SORCS2: variants seen among roughly 807,000 people sequenced by gnomAD.
The protein encoded by SORCS2 is sortilin related VPS10 domain containing receptor 2, also known as VPS10 domain-containing receptor SorCS2.
A neutral mutation model predicts 141.6 loss-of-function variants in SORCS2; 100 were observed. The observed-to-expected ratio is 0.71, with a 90% CI of 0.60 to 0.83. The LOEUF (loss-of-function observed/expected upper bound fraction) is 0.83, where lower values mean the gene tolerates loss of function less well. Among genes scored for constraint, SORCS2 ranks in the 40% least tolerant of loss-of-function variants. The pLI, the probability that SORCS2 is intolerant of heterozygous loss-of-function variation, is 0.00. For missense variants in SORCS2, 1,646 were observed against 1,560.2 expected (o/e 1.05, Z -0.93); for synonymous variants, 789 against 676.9 (o/e 1.17, Z -2.57).
chr4:7,579,692 C>G (rs1241654384), intron 3 of SORCS2, among the ~76,000 whole-genome samples: 1 of 152,160 alleles, frequency 6.6e-6, no homozygotes, highest in Non-Finnish European at 1.5e-5. Flanking sequence ...GCTTGTTCTG[C>G]TCTGGGCCTT....
At chr4:7,544,501 A>G (rs1258252235) in intron 3 of SORCS2, among the ~76,000 whole-genome samples, 1 of 152,194 alleles carries the variant, frequency 6.6e-6, no homozygotes, top group Non-Finnish European at 1.5e-5. Flanking sequence ...GCAACATCCA[A>G]CAGGCTCAGG....
chr4:7,333,203 C>T lies in SORCS2; in HGVS notation c.481-63085C>T, dbSNP rs113908012. Among the ~76,000 whole-genome samples, 311 of 152,312 alleles carry T rather than the reference C, an allele frequency of 2.0e-3. 1 individual carries two copies. The highest frequency in any genetic ancestry group is 3.1e-3 in the Non-Finnish European group (210 of 68,018). On this transcript the variant is annotated intron_variant, in intron 1 of 26. Coordinates refer to ENST00000507866, the MANE Select transcript of SORCS2 (RefSeq NM_020777.3). ...ATCCCATTTCTGACTGGCTGAGTTT[C>T]GGAGGAGCAGCCAAGGCAGAACCCT...
At chr4:7,585,529 G>A (rs559901424) in intron 3 of SORCS2, among the ~76,000 whole-genome samples, 75 of 152,222 alleles carry the variant, frequency 4.9e-4, no homozygotes, top group Non-Finnish European at 9.3e-4. Flanking sequence ...CAAATCACAG[G>A]ACTATCAGGG....
intron 3 of SORCS2, among the ~76,000 whole-genome samples, chr4:7,625,473 C>T (rs1719457717): frequency 6.6e-6 from 1 of 151,916 alleles, no homozygotes; most frequent in Non-Finnish European, 1.5e-5. Context: ...CAGAGCCAGG[C>T]ACACAGTCAC....
chr4:7,213,129 A>G (rs145312335), intron 1 of SORCS2, among the ~76,000 whole-genome samples: 1 of 152,176 alleles, frequency 6.6e-6, no homozygotes, highest in Non-Finnish European at 1.5e-5. Context: ...TAAATCCCCA[A>G]TCCTCAGAAC....
intron 10 of SORCS2, among the ~76,000 whole-genome samples, chr4:7,689,248 C>T (rs1203517167): frequency 1.3e-5 from 2 of 152,104 alleles, no homozygotes; most frequent in Non-Finnish European, 2.9e-5. Flanking sequence ...CACTTGTGCC[C>T]ACTTCCCCCT....
At chr4:7,408,565 T>C (rs1432493843) in intron 2 of SORCS2, among the ~76,000 whole-genome samples, 2 of 152,224 alleles carry the variant, frequency 1.3e-5, no homozygotes, top group East Asian at 3.8e-4. Flanking sequence ...TTGATTATTA[T>C]ATGCCTTGGG....
In SORCS2 at chr4:7,717,892, T is replaced by C. The variant is rs764786284; in HGVS notation, c.2253-120T>C. The C allele has an allele frequency of 1.6e-4, 170 of 1,058,922 alleles. 1 individual carries two copies. In the Middle Eastern group the frequency reaches 4.7e-3, roughly 29 times the overall value. The allele number at this position is 1,058,922 out of a possible 1,614,324, so 65.6% of individuals were successfully genotyped here. A position where few individuals can be genotyped will look rare whatever the true frequency, so the allele number is the denominator to read the frequency against. Reference sequence around the variant, plus strand: ...GGTGACTGGGAGTTAGCAAGTAGAGTCCTAGGGGTGGGAAGCCAAGTGCCA... The same window carrying C: ...GGTGACTGGGAGTTAGCAAGTAGAGCCCTAGGGGTGGGAAGCCAAGTGCCA... On this transcript the variant is annotated intron_variant, in intron 17 of 26. Transcript: ENST00000507866.
chr4:7,256,736 G>A (rs1174515492), intron 1 of SORCS2, among the ~76,000 whole-genome samples: 2 of 151,010 alleles, frequency 1.3e-5, no homozygotes, highest in African/African-American at 4.9e-5. Flanking sequence ...TCGCATGATG[G>A]GGGGTTGGGA....
intron 2 of SORCS2, among the ~76,000 whole-genome samples, chr4:7,514,736 C>G (rs761390450): frequency 2.0e-5 from 3 of 152,102 alleles, no homozygotes; most frequent in Non-Finnish European, 4.4e-5. Flanking sequence ...CCAGGGACAC[C>G]CCTGTGAGCC....
intron 2 of SORCS2, chr4:7,434,151 G>A (rs1274267485): frequency 6.2e-7 from 1 of 1,613,930 alleles, no homozygotes; most frequent in Non-Finnish European, 8.5e-7. Flanking sequence ...GCTCCTGCGG[G>A]GGGAGAAGCC....
chr4:7,216,852 C>T (rs558603281), intron 1 of SORCS2, among the ~76,000 whole-genome samples: 43 of 152,276 alleles, frequency 2.8e-4, no homozygotes, highest in Admixed American at 9.1e-4. Flanking sequence ...GCCCTGCCCT[C>T]GAGCCGCAAA....
At chr4:7,212,327 C>G (rs1728105358) in intron 1 of SORCS2, among the ~76,000 whole-genome samples, 1 of 152,196 alleles carries the variant, frequency 6.6e-6, no homozygotes, top group Non-Finnish European at 1.5e-5. Context: ...TGTTTCCTGT[C>G]TCTGCCTTTG....
At chr4:7,483,529 T>A (rs929757532) in intron 2 of SORCS2, among the ~76,000 whole-genome samples, 6 of 152,172 alleles carry the variant, frequency 3.9e-5, no homozygotes, top group African/African-American at 1.4e-4. Flanking sequence ...TTCCATCTCC[T>A]GAACTGAGAG....
intron 5 of SORCS2, among the ~76,000 whole-genome samples, chr4:7,656,584 C>T (rs1452821664): frequency 6.6e-6 from 1 of 152,240 alleles, no homozygotes; most frequent in Non-Finnish European, 1.5e-5. Context: ...CAAGCTGTGG[C>T]CCTGAGACTC....
intron 3 of SORCS2, among the ~76,000 whole-genome samples, chr4:7,605,389 G>A (rs1473559555): frequency 1.3e-5 from 2 of 152,170 alleles, no homozygotes; most frequent in East Asian, 3.9e-4. Flanking sequence ...TGTATTGGGA[G>A]TTCTGTTCTT....
intron 1 of SORCS2, among the ~76,000 whole-genome samples, chr4:7,331,132 TG>T (rs1719631402): frequency 6.7e-6 from 1 of 150,280 alleles, no homozygotes; most frequent in Non-Finnish European, 1.5e-5. Flanking sequence ...GGGGACAGGG[TG>T]GAGGAACTGG....
At position 7,740,557 on chromosome 4, in the gene SORCS2, C is replaced by G. The variant is rs936905848; in HGVS notation, c.*293C>G. 1.3e-5 allele frequency: 6 copies of G among 476,418 alleles called. No individual in the cohort carries two copies. The highest frequency in any genetic ancestry group is 2.3e-5 in the Non-Finnish European group (6 of 258,850). The allele number at this position is 476,418 out of a possible 1,614,324, so 29.5% of individuals were successfully genotyped here. On this transcript the variant is annotated 3_prime_UTR_variant, in exon 27 of 27. Coordinates refer to ENST00000507866, the MANE Select transcript of SORCS2 (RefSeq NM_020777.3). ...CACACGGCCGCCCCACGTGCTGTCG[C>G]TCAGCCCGAGGCCTGACTTCTCTGG... is the stretch of plus-strand genomic sequence containing the variant.
chr4:7,241,700 C>A (rs767264190), intron 1 of SORCS2, among the ~76,000 whole-genome samples: 3 of 152,226 alleles, frequency 2.0e-5, no homozygotes, highest in Non-Finnish European at 2.9e-5. Flanking sequence ...ATTCCGTAGT[C>A]TCTCCCTGGT....
Sources: gnomAD v4.1 joint callset for allele counts (sites outside exome capture counted in the v4.1 genomes callset) on GRCh38, gnomAD v4.1.1 for gene constraint, MANE v1.5 for transcripts, NCBI Gene and HGNC (gene_info 2026-07-23, HGNC 2026-07-21) for gene names.